The following USP4 variants were observed in gnomAD, a reference collection of about 807,000 sequenced individuals.
The protein encoded by USP4 is ubiquitin specific peptidase 4.
USP4 carries 72 observed loss-of-function variants against 118.2 expected under a neutral mutation model. That is an observed-to-expected ratio of 0.61 (90% CI 0.50 to 0.74). The LOEUF (loss-of-function observed/expected upper bound fraction) is 0.74, where lower values mean the gene tolerates loss of function less well. Ranked by LOEUF, USP4 falls within the 30% of genes least tolerant of loss-of-function variation. The probability of loss-of-function intolerance (pLI) is 0.00; values close to 1 mark genes in which losing one functional copy is unlikely to be tolerated. For missense variants in USP4, 1,037 were observed against 1,185.7 expected, an observed-to-expected ratio of 0.87 and a Z score of 1.84; for synonymous variants, 415 against 440.4, an observed-to-expected ratio of 0.94 and a Z score of 0.72.
chr3:49,333,115 T>C (rs1246793777), intron 2 of USP4, among the ~76,000 whole-genome samples: 1 of 151,606 alleles, frequency 6.6e-6, no homozygotes, highest in Non-Finnish European at 1.5e-5. Flanking sequence ...TTTCAGCCTC[T>C]TATAATTCAT....
chr3:49,291,279 TAAA>T (rs780101038), intron 15 of USP4, among the ~76,000 whole-genome samples: 7 of 110,124 alleles, frequency 6.4e-5, no homozygotes, highest in Admixed American at 9.2e-5. Context: ...ACCCTACTCT[TAAA>T]AAAAAAAAAA....
chr3:49,327,642 C>G (rs1388987303), intron 3 of USP4, 44 bp downstream of exon 3: 1 of 1,611,076 alleles, frequency 6.2e-7, no homozygotes, highest in Non-Finnish European at 8.5e-7. Context: ...ACAGAAAGCA[C>G]CTGCAGACAG....
intron 2 of USP4, among the ~76,000 whole-genome samples, chr3:49,333,003 G>C (rs1388212785): frequency 6.7e-6 from 1 of 149,502 alleles, no homozygotes; most frequent in Non-Finnish European, 1.5e-5. Flanking sequence ...ACTGCACGAG[G>C]TAGCAGTAGC....
intron 2 of USP4, among the ~76,000 whole-genome samples, chr3:49,330,810 A>G (rs1265289263): frequency 1.1e-4 from 16 of 145,362 alleles, no homozygotes; most frequent in Admixed American, 1.1e-3. Context: ...GGAGATTGAG[A>G]CCATCCTGGC....
Position 49,311,531 on chromosome 3 carries a change from A to C in USP4, c.819T>G (p.Ser273Arg), listed in dbSNP as rs773142975. ...GCTCTTACCCCCTGCTGACACCGGA[A>C]CTGTGCATCCCACAGGTGCTAGTGC... ...GDSTSTCGMH[S>R]SGVSRGGSGF... is the part of the protein sequence containing the mutation. The change falls in exon 7 of 22, where the codon AGT (serine) becomes AGG (arginine). Residue 273 changes from serine (S) to arginine (R), a missense_variant. Coordinates refer to ENST00000265560, the MANE Select transcript of USP4 (RefSeq NM_003363.4). 103 of 1,613,624 alleles carry C rather than the reference A, an allele frequency of 6.4e-5. No homozygotes were observed. Among genetic ancestry groups the C allele is most frequent in the Non-Finnish European group, 7.8e-5 (92 of 1,179,752 alleles).
intron 17 of USP4, 111 bp downstream of exon 17, chr3:49,284,738 A>C: frequency 9.7e-6 from 12 of 1,243,468 alleles, no homozygotes; most frequent in Non-Finnish European, 1.4e-5. Flanking sequence ...TTTCCTTCTC[A>C]GTCTTAAATA....
rs1199177792 is a variant in USP4, at chr3:49,294,563, T to C, written c.1727A>G (p.Glu576Gly). ...GAAGTAGACTGGAAGCGTGACACATTCCGAGCCATCCACGGAAGTGCTGCA... is the reference window on the plus strand; with the variant it reads ...GAAGTAGACTGGAAGCGTGACACATCCCGAGCCATCCACGGAAGTGCTGCA... ...EVCSTSVDGSECVTLPVYFRE... is the reference protein window; with the variant it reads ...EVCSTSVDGSGCVTLPVYFRE... Residue 576 changes from glutamate to glycine, a missense_variant, in exon 14 of 22, where the codon GAA (glutamate) becomes GGA (glycine). Around this residue, in one of 3 missense-constraint regions of USP4, gnomAD observed 522 missense variants for 592.6 expected, o/e 0.88. Transcript: ENST00000265560. The C allele has an allele frequency of 1.2e-6, 2 of 1,613,996 alleles. No individual in the cohort carries two copies. Among genetic ancestry groups the C allele is most frequent in the East Asian group, 2.2e-5 (1 of 44,892 alleles).
At position 49,282,268 on chromosome 3, in the gene USP4, A is replaced by G. The variant is rs114379203; in HGVS notation, c.2541-1421T>C. ...ATTTAAAAATTTTCAAACACACAGAAAAGATAAAGAATTTTTTTTTTTTTG... is the reference window on the plus strand; with the variant it reads ...ATTTAAAAATTTTCAAACACACAGAGAAGATAAAGAATTTTTTTTTTTTTG... On this transcript the variant is annotated intron_variant, in intron 19 of 21. Transcript: ENST00000265560. Among the ~76,000 whole-genome samples the G allele has an allele frequency of 4.7e-3, 718 of 152,194 alleles. 6 individuals carry two copies. Among genetic ancestry groups the G allele is most frequent in the African/African-American group, 0.017 (686 of 41,550 alleles).
chr3:49,310,834 G>T, intron 7 of USP4, 97 bp from the exon 8 acceptor site: 1 of 916,432 alleles, frequency 1.1e-6, no homozygotes, highest in Non-Finnish European at 1.7e-6. Context: ...TAGAACTTGT[G>T]TGGTAGTAAG....
intron 6 of USP4, chr3:49,311,871 A>C: frequency 8.2e-7 from 1 of 1,218,370 alleles, no homozygotes; most frequent in Non-Finnish European, 1.0e-6. Flanking sequence ...ACCACCACAT[A>C]CCCTTTCAGT....
At chr3:49,335,325 G>C in intron 2 of USP4, 144 bp downstream of exon 2, 1 of 1,142,996 alleles carries the variant, frequency 8.7e-7, no homozygotes. Flanking sequence ...GGTTTGCAAA[G>C]ACTTCTGCTA....
intron 17 of USP4, 76 bp downstream of exon 17, chr3:49,284,772 CT>C: frequency 7.1e-7 from 1 of 1,418,216 alleles, no homozygotes; most frequent in Non-Finnish European, 9.9e-7. Context: ...TGCTGTCCAA[CT>C]GGTGAAAGTG....
rs569795882 is a variant in USP4, at chr3:49,287,218, G to C, written c.1973-893C>G. On this transcript the variant is annotated intron_variant, in intron 15 of 21. Coordinates refer to ENST00000265560, the MANE Select transcript of USP4 (RefSeq NM_003363.4). ...CGTCCAGGCTGGAATGCAATGGCGT[G>C]ATCTCAGCTCACTGCAACCTCCGCC... Among the ~76,000 whole-genome samples, 193 of 152,120 alleles carry C rather than the reference G, an allele frequency of 1.3e-3. 1 individual carries two copies. Among genetic ancestry groups the C allele is most frequent in the African/African-American group, 4.2e-3 (176 of 41,480 alleles).
At chr3:49,287,815 C>A (rs965862665) in intron 15 of USP4, among the ~76,000 whole-genome samples, 2 of 152,020 alleles carry the variant, frequency 1.3e-5, no homozygotes, top group Non-Finnish European at 1.5e-5. Flanking sequence ...GTATTCCGTT[C>A]CTCCAGAAAA....
intron 6 of USP4, among the ~76,000 whole-genome samples, chr3:49,314,975 TTTTA>T (rs2047420297): frequency 6.6e-6 from 1 of 152,086 alleles, no homozygotes; most frequent in Non-Finnish European, 1.5e-5. Flanking sequence ...TAAAGAAAAA[TTTTA>T]TTTGATGTTT....
chr3:49,324,870 G>A, intron 5 of USP4, 24 bp downstream of exon 5: 2 of 1,613,998 alleles, frequency 1.2e-6, no homozygotes, highest in Non-Finnish European at 1.7e-6. Context: ...GCTACCTGCT[G>A]GGGAATGGCC....
chr3:49,319,467 G>A (rs2047476986), intron 6 of USP4, among the ~76,000 whole-genome samples: 1 of 151,960 alleles, frequency 6.6e-6, no homozygotes, highest in South Asian at 2.1e-4. Flanking sequence ...GCCCAGGATG[G>A]TCTTGATCTC....
chr3:49,319,218 C>T (rs2107794628), intron 6 of USP4, among the ~76,000 whole-genome samples: 3 of 151,904 alleles, frequency 2.0e-5, no homozygotes, highest in Middle Eastern at 3.4e-3. Context: ...AACTAGTGAC[C>T]TTCCTTCGAT....
At chr3:49,329,759 A>G (rs550764566) in intron 2 of USP4, among the ~76,000 whole-genome samples, 68 of 152,254 alleles carry the variant, frequency 4.5e-4, no homozygotes, top group Non-Finnish European at 8.4e-4. Flanking sequence ...AAGGTTTTCA[A>G]TTTAATTTGC....
Sources: allele counts gnomAD v4.1 joint callset (sites outside exome capture counted in the v4.1 genomes callset), GRCh38; gene constraint gnomAD v4.1.1; regional missense constraint gnomAD v4.1.1; transcripts MANE v1.5; gene names NCBI Gene and HGNC (gene_info 2026-07-23, HGNC 2026-07-21).